The following CHFR variants were observed in gnomAD, a reference collection of about 807,000 sequenced individuals.
CHFR encodes the protein checkpoint with forkhead and ring finger domains.
In CHFR, 57 loss-of-function variants were observed where a neutral mutation model predicts 87.6. That is an observed-to-expected ratio of 0.65 (90% CI 0.53 to 0.81). The LOEUF (loss-of-function observed/expected upper bound fraction) is 0.81, where lower values mean the gene tolerates loss of function less well. CHFR is among the 30% of genes least tolerant of loss of function. CHFR has a pLI of 0.00. For missense variants in CHFR, 797 were observed against 865.8 expected, an observed-to-expected ratio of 0.92 and a Z score of 1.00; for synonymous variants, 381 against 359.2, an observed-to-expected ratio of 1.06 and a Z score of -0.69.
In CHFR at chr12:132,843,805, C is replaced by T. The variant is rs544640419; in HGVS notation, c.1843+222G>A. 2.4e-4 allele frequency among the ~76,000 whole-genome samples: 37 copies of T among 152,130 alleles called. 1 individual carries two copies. Among genetic ancestry groups the T allele is most frequent in the African/African-American group, 8.7e-4 (36 of 41,508 alleles). ...CTCTACTAAAACACAAAAAATTAGC[C>T]GGGCGTGGTGGCGGGTGCCTGTAAT... On this transcript the variant is annotated intron_variant, in intron 16 of 17. Coordinates refer to ENST00000450056, the MANE Select transcript of CHFR (RefSeq NM_001161346.2).
chr12:132,872,593 C>A (rs1951517021), intron 3 of CHFR, among the ~76,000 whole-genome samples, 199 bp from the exon 4 acceptor site: 1 of 152,064 alleles, frequency 6.6e-6, no homozygotes, highest in African/African-American at 2.4e-5. Flanking sequence ...TTCTCCCTGA[C>A]TGACAGCCTA....
rs1593473969 is a variant in CHFR at position 132,857,655 on chromosome 12, C to G, written c.912-96G>C. ...AGCAGCCCCACCACGGAAGGGCCTA[C>G]AGGGGCCCAGCCATCGTTCAACCTA... is the stretch of plus-strand genomic sequence containing the variant. On this transcript the variant is annotated intron_variant, in intron 8 of 17. Coordinates refer to ENST00000450056, the MANE Select transcript of CHFR (RefSeq NM_001161346.2). 5 of 1,209,922 alleles carry G rather than the reference C, an allele frequency of 4.1e-6. No individual in the cohort carries two copies. The East Asian group carries it at 1.3e-4, about 30-fold the overall frequency. 74.9% of individuals were successfully genotyped at this position (1,209,922 alleles called of 1,614,324 possible). A position where few individuals can be genotyped will look rare whatever the true frequency, so the allele number is the denominator to read the frequency against.
At chr12:132,857,595 C>A in intron 8 of CHFR, 36 bp from the exon 9 acceptor site, 1 of 1,603,892 alleles carries the variant, frequency 6.2e-7, no homozygotes, top group South Asian at 1.1e-5. Flanking sequence ...CAGACAGTCC[C>A]ACAGATGCAA....
intron 2 of CHFR, 79 bp downstream of exon 2, chr12:132,887,117 C>T: frequency 1.6e-6 from 2 of 1,252,082 alleles, no homozygotes; most frequent in Non-Finnish European, 2.1e-6. Context: ...GCGCACACTG[C>T]ACCGCCGCCC....
intron 9 of CHFR, 135 bp from the exon 10 acceptor site, chr12:132,856,765 T>G (rs537737331): frequency 2.4e-5 from 24 of 1,005,956 alleles, no homozygotes; most frequent in Middle Eastern, 2.8e-4. Context: ...CGTGCCCGGG[T>G]GCTGGTGGAG....
chr12:132,878,278 G>A (rs1566203921), intron 2 of CHFR, among the ~76,000 whole-genome samples: 1 of 152,066 alleles, frequency 6.6e-6, no homozygotes. Context: ...AGACCAGCCT[G>A]GCCAACACAG....
At chr12:132,852,142 G>A (rs1035963026) in intron 11 of CHFR, among the ~76,000 whole-genome samples, 6 of 148,164 alleles carry the variant, frequency 4.0e-5, no homozygotes, top group Admixed American at 6.8e-5. Context: ...TGCCACGCCT[G>A]GCTAATTTTT....
chr12:132,871,592 C>T (rs1264387474), intron 4 of CHFR, among the ~76,000 whole-genome samples: 1 of 151,508 alleles, frequency 6.6e-6, no homozygotes, highest in Admixed American at 6.6e-5. Flanking sequence ...TCCAGCATGG[C>T]AAAACCCCGT....
chr12:132,837,319 G>GT lies in CHFR; in HGVS notation c.*4234dup, dbSNP rs1275745690. 6.2e-6 allele frequency: 1 copy of GT among 160,590 alleles called. No homozygotes were observed. Among genetic ancestry groups the GT allele is most frequent in the Admixed American group, 5.8e-5 (1 of 17,342 alleles). The allele number at this position is 160,590 out of a possible 1,614,324, so 9.9% of individuals were successfully genotyped here. A position where few individuals can be genotyped will look rare whatever the true frequency, so the allele number is the denominator to read the frequency against. ...CTGCCTGGTGCAGCACTGTGCTGGT[G>GT]TTTAACAACCTTCTCTTCAGAAGAA... is the stretch of plus-strand genomic sequence containing the variant. On this transcript the variant is annotated 3_prime_UTR_variant, in exon 18 of 18. Transcript: ENST00000450056.
At chr12:132,878,196 C>T (rs531943883) in intron 2 of CHFR, among the ~76,000 whole-genome samples, 9 of 152,154 alleles carry the variant, frequency 5.9e-5, no homozygotes, top group Non-Finnish European at 1.0e-4. Context: ...TACAGCCAGG[C>T]GCAGTGGCTC....
At position 132,838,091 on chromosome 12, in the gene CHFR, TCA is replaced by T. The variant is rs2136899906; in HGVS notation, c.*3461_*3462del. The T allele has an allele frequency of 6.6e-6, 1 of 152,494 alleles. No individual in the cohort carries two copies. Among genetic ancestry groups the T allele is most frequent in the East Asian group, 1.9e-4 (1 of 5,178 alleles). 9.4% of individuals were successfully genotyped at this position (152,494 alleles called of 1,614,324 possible). On this transcript the variant is annotated 3_prime_UTR_variant, in exon 18 of 18. Transcript: ENST00000450056. ...CTGCCAGCCCGAAGCTGGGGGGCTG[TCA>T]CCAGGAAACCCTTGCTGGCGGAAGC...
intron 2 of CHFR, 117 bp downstream of exon 2, chr12:132,887,079 G>A: frequency 2.4e-6 from 2 of 825,750 alleles, no homozygotes; most frequent in Non-Finnish European, 3.5e-6. Flanking sequence ...GTTCTTACAT[G>A]ACATTTCACT....
intron 6 of CHFR, 132 bp from the exon 7 acceptor site, chr12:132,861,766 G>A (rs1310032013): frequency 2.6e-6 from 2 of 757,910 alleles, no homozygotes; most frequent in Non-Finnish European, 4.3e-6. Context: ...ATGACAAGTG[G>A]CTTACGAGGA....
chr12:132,874,919 G>C (rs1951591913), intron 3 of CHFR, among the ~76,000 whole-genome samples: 1 of 150,078 alleles, frequency 6.7e-6, no homozygotes, highest in Admixed American at 6.6e-5. Context: ...GCCAGGCCCT[G>C]ATGTAGGCGG....
Position 132,857,478 on chromosome 12 carries a change from G to A in CHFR, c.993C>T (p.Arg331=). 1 of 1,614,198 alleles carries A rather than the reference G, an allele frequency of 6.2e-7. No homozygotes were observed. The highest frequency in any genetic ancestry group is 8.5e-7 in the Non-Finnish European group (1 of 1,180,028). The change falls in exon 9 of 18, where the codon CGC becomes CGT. Residue 331 remains arginine (R), a synonymous_variant. Transcript: ENST00000450056. Reference sequence around the variant, plus strand: ...TTTTACAGATCCGCTCCACGGGACAGCGGCAGGTAGGACACAGGGACGAGC... The same window carrying A: ...TTTTACAGATCCGCTCCACGGGACAACGGCAGGTAGGACACAGGGACGAGC... ...MERSSLCPTC[R]CPVERICKNH...
chr12:132,886,374 C>A (rs1362152647), intron 2 of CHFR, among the ~76,000 whole-genome samples: 2 of 147,596 alleles, frequency 1.4e-5, no homozygotes, highest in African/African-American at 5.0e-5. Context: ...TGAAATTAAC[C>A]AAAAAAAAAA....
At chr12:132,853,368 G>C in intron 11 of CHFR, 63 bp downstream of exon 11, 1 of 1,414,074 alleles carries the variant, frequency 7.1e-7, no homozygotes, top group Non-Finnish European at 9.2e-7. Flanking sequence ...GTGCACGTCA[G>C]CACCGGGCAC....
chr12:132,875,912 C>T (rs762580704), intron 3 of CHFR, among the ~76,000 whole-genome samples: 4 of 152,196 alleles, frequency 2.6e-5, no homozygotes, highest in Non-Finnish European at 5.9e-5. Flanking sequence ...CGATGGCTCA[C>T]GCCTGTAATC....
chr12:132,887,096 A>T (rs764877035), intron 2 of CHFR, 100 bp downstream of exon 2: 43 of 1,025,992 alleles, frequency 4.2e-5, no homozygotes, highest in Non-Finnish European at 5.3e-5. Flanking sequence ...CACTCCACGG[A>T]AAAATCTGGA....
Sources: gnomAD v4.1 joint callset for allele counts (sites outside exome capture counted in the v4.1 genomes callset) on GRCh38, gnomAD v4.1.1 for gene constraint, MANE v1.5 for transcripts, NCBI Gene and HGNC (gene_info 2026-07-23, HGNC 2026-07-21) for gene names.